The following EPM2A variants were observed in gnomAD, a reference collection of about 807,000 sequenced individuals.
EPM2A encodes the protein laforin.
A neutral mutation model predicts 26.5 loss-of-function variants in EPM2A; 21 were observed. That is an observed-to-expected ratio of 0.79 (90% CI 0.56 to 1.14). EPM2A has a LOEUF of 1.14. Among genes scored for constraint, EPM2A ranks in the 50% most tolerant of loss-of-function variants. The pLI, the probability that EPM2A is intolerant of heterozygous loss-of-function variation, is 0.00. For synonymous variants in EPM2A, 217 were observed against 177.6 expected (o/e 1.22, Z -1.76); for missense variants, 458 against 440.8 (o/e 1.04, Z -0.35).
At chr6:145,396,468 C>T (rs946602423) in intron 4 of EPM2A, among the ~76,000 whole-genome samples, 2 of 152,132 alleles carry the variant, frequency 1.3e-5, no homozygotes, top group South Asian at 2.1e-4. Flanking sequence ...CTTTAGAGAC[C>T]GACTTTAACC....
chr6:145,626,004 C>G lies in EPM2A; in HGVS notation c.*1412G>C. 9.0e-7 allele frequency: 1 copy of G among 1,116,638 alleles called. No homozygotes were observed. Among genetic ancestry groups the G allele is most frequent in the South Asian group, 2.5e-5 (1 of 40,692 alleles). The allele number at this position is 1,116,638 out of a possible 1,614,324, so 69.2% of individuals were successfully genotyped here. Reference sequence around the variant, plus strand: ...TGTGACAATAGACAGTTGAGTTAACCCTTCTGACCTTAGTTTCCCCATCTT... The same window carrying G: ...TGTGACAATAGACAGTTGAGTTAACGCTTCTGACCTTAGTTTCCCCATCTT... On this transcript the variant is annotated 3_prime_UTR_variant, in exon 4 of 4. Coordinates refer to ENST00000367519, the MANE Select transcript of EPM2A (RefSeq NM_005670.4).
chr6:145,459,685 T>C (rs1043519736), intron 4 of EPM2A, among the ~76,000 whole-genome samples: 1 of 148,966 alleles, frequency 6.7e-6, no homozygotes, highest in Non-Finnish European at 1.5e-5. Context: ...TCTTTTACTA[T>C]ACACTTCTTT....
intron 1 of EPM2A, among the ~76,000 whole-genome samples, chr6:145,698,095 A>G (rs1781711825): frequency 6.6e-6 from 1 of 152,228 alleles, no homozygotes; most frequent in Non-Finnish European, 1.5e-5. Context: ...ATAAATGTCC[A>G]TGAAATCTTC....
chr6:145,479,527 T>C (rs541442430), intron 4 of EPM2A, among the ~76,000 whole-genome samples: 3 of 152,082 alleles, frequency 2.0e-5, no homozygotes, highest in South Asian at 4.1e-4. Flanking sequence ...TCATACAACA[T>C]AGGTCCTTTT....
rs554027385 is a variant in EPM2A at position 145,426,660 on chromosome 6, AAGTTCT to A, written c.556-42569_556-42564del. Among the ~76,000 whole-genome samples the A allele has an allele frequency of 5.9e-3, 898 of 152,350 alleles. 5 individuals carry two copies. The highest frequency in any genetic ancestry group is 0.021 in the African/African-American group (863 of 41,584). On this transcript the variant is annotated intron_variant, in intron 4 of 4. Transcript: ENST00000638717. Reference sequence around the variant, plus strand: ...TACACTGTGTAAAAGTTTGAACATCAAGTTCTTTTACACTGGAGTTTCTTAAGCATA... The same window carrying A: ...TACACTGTGTAAAAGTTTGAACATCATTTACACTGGAGTTTCTTAAGCATA...
chr6:145,570,729 T>G (rs1471351162), intron 2 of EPM2A, among the ~76,000 whole-genome samples: 1 of 152,208 alleles, frequency 6.6e-6, no homozygotes, highest in African/African-American at 2.4e-5. Context: ...ATCTGGGTCA[T>G]TTGTAGTCCT....
intron 2 of EPM2A, among the ~76,000 whole-genome samples, chr6:145,571,433 G>A (rs1364958631): frequency 6.6e-6 from 1 of 152,190 alleles, no homozygotes; most frequent in East Asian, 1.9e-4. Flanking sequence ...AGGCAATGCT[G>A]TGTGGAATAC....
At chr6:145,414,295 C>G (rs2114677609) in intron 4 of EPM2A, among the ~76,000 whole-genome samples, 1 of 152,034 alleles carries the variant, frequency 6.6e-6, no homozygotes, top group East Asian at 2.0e-4. Context: ...TTCATGAACT[C>G]TGAATTTCTA....
At chr6:145,717,693 C>T (rs1021962981) in intron 1 of EPM2A, among the ~76,000 whole-genome samples, 23 of 150,204 alleles carry the variant, frequency 1.5e-4, no homozygotes, top group Admixed American at 7.3e-4. Context: ...TGTTTGCAGA[C>T]GACATGATTG....
intron 4 of EPM2A, among the ~76,000 whole-genome samples, chr6:145,407,056 A>G (rs1334767605): frequency 6.6e-6 from 1 of 152,144 alleles, no homozygotes; most frequent in Admixed American, 6.6e-5. Context: ...TGCAAAGTGC[A>G]CAGATGCTGA....
intron 2 of EPM2A, among the ~76,000 whole-genome samples, chr6:145,676,788 T>C (rs1780075420): frequency 6.6e-6 from 1 of 152,162 alleles, no homozygotes; most frequent in African/African-American, 2.4e-5. Flanking sequence ...CAATAATTGA[T>C]AGCATACCAA....
chr6:145,500,274 G>C (rs1432277245), downstream of EPM2A, among the ~76,000 whole-genome samples: 1 of 151,224 alleles, frequency 6.6e-6, no homozygotes, highest in Admixed American at 6.6e-5. Context: ...AGGAGTGACA[G>C]AGTCTTGATT....
chr6:145,445,214 G>A (rs1323354195), intron 4 of EPM2A, among the ~76,000 whole-genome samples: 1 of 152,102 alleles, frequency 6.6e-6, no homozygotes, highest in African/African-American at 2.4e-5. Flanking sequence ...CCCTAGGCAT[G>A]TGTGGCCTTC....
chr6:145,522,931 T>C (rs1471294368), intron 2 of EPM2A, among the ~76,000 whole-genome samples: 1 of 152,168 alleles, frequency 6.6e-6, no homozygotes, highest in Non-Finnish European at 1.5e-5. Context: ...CTCCTTCATC[T>C]GGCTAACAAT....
At chr6:145,612,197 GACA>G (rs935386659) in intron 2 of EPM2A, among the ~76,000 whole-genome samples, 2 of 152,080 alleles carry the variant, frequency 1.3e-5, no homozygotes, top group African/African-American at 2.4e-5. Context: ...GCTATAACAT[GACA>G]ACAATTTTAT....
intron 2 of EPM2A, among the ~76,000 whole-genome samples, chr6:145,582,586 T>C (rs1381862505): frequency 2.0e-5 from 3 of 152,242 alleles, no homozygotes; most frequent in African/African-American, 7.2e-5. Context: ...GCCTTTAATA[T>C]ATTTTCTTTC....
At chr6:145,676,774 G>A (rs554768083) in intron 2 of EPM2A, among the ~76,000 whole-genome samples, 1 of 152,166 alleles carries the variant, frequency 6.6e-6, no homozygotes, top group Non-Finnish European at 1.5e-5. Context: ...TTCTGAAATT[G>A]AGGCAATAAT....
rs191053546 is a variant in EPM2A at position 145,413,883 on chromosome 6, A to G, written c.556-29786T>C. ...CAGTGGATAAAGGGAGAGGAGTGGT[A>G]GGTTGCTTAGGCAGTCTCTTCCAAT... On this transcript the variant is annotated intron_variant, in intron 4 of 4. Transcript: ENST00000638717. Among the ~76,000 whole-genome samples, 5 of 152,276 alleles carry G rather than the reference A, an allele frequency of 3.3e-5. No individual in the cohort carries two copies. In the East Asian group the frequency reaches 9.7e-4, roughly 29 times the overall value.
intron 2 of EPM2A, among the ~76,000 whole-genome samples, chr6:145,655,507 TA>T (rs1213320515): frequency 1.3e-5 from 2 of 152,148 alleles, no homozygotes; most frequent in Non-Finnish European, 2.9e-5. Flanking sequence ...AACTTTAAAA[TA>T]ATATTAAAAT....
Sources: gnomAD v4.1 joint callset for allele counts (sites outside exome capture counted in the v4.1 genomes callset) on GRCh38, gnomAD v4.1.1 for gene constraint, MANE v1.5 for transcripts, NCBI Gene and HGNC (gene_info 2026-07-23, HGNC 2026-07-21) for gene names.